PUS7: variants seen among roughly 807,000 people sequenced by gnomAD.
PUS7 encodes the protein pseudouridylate synthase 7 homolog.
PUS7 carries 48 observed loss-of-function variants against 79.8 expected under a neutral mutation model. The ratio of observed to expected loss-of-function variants is 0.60; its 90% confidence interval spans 0.48 to 0.76. PUS7 has a LOEUF of 0.76. Ranked by LOEUF, PUS7 falls within the 30% of genes least tolerant of loss-of-function variation. The pLI is 0.00. For synonymous variants in PUS7, 286 were observed against 272.2 expected (o/e 1.05, Z -0.50); for missense variants, 729 against 797.6 (o/e 0.91, Z 1.04).
chr7:105,461,366 T>A (rs1300164823), intron 14 of PUS7, among the ~76,000 whole-genome samples: 2 of 152,176 alleles, frequency 1.3e-5, no homozygotes, highest in African/African-American at 4.8e-5. Flanking sequence ...CATAACTGTT[T>A]ATATTCAAAA....
intron 14 of PUS7, 195 bp downstream of exon 14, chr7:105,462,426 G>C (rs113678947): frequency 5.5e-6 from 3 of 540,736 alleles, no homozygotes; most frequent in Non-Finnish European, 6.2e-6. Flanking sequence ...GTGAAACTCC[G>C]TCTCAAAAAA....
chr7:105,457,988 T>C, intron 15 of PUS7, 62 bp from the exon 16 acceptor site: 10 of 1,557,194 alleles, frequency 6.4e-6, no homozygotes, highest in Non-Finnish European at 7.8e-6. Flanking sequence ...CCAGCGAGAG[T>C]CACATAATCT....
intron 9 of PUS7, among the ~76,000 whole-genome samples, chr7:105,476,345 T>C (rs11979943): frequency 0.033 from 5,038 of 152,000 alleles, 107 homozygotes; most frequent in Admixed American, 0.056. Context: ...GAATTGCTGG[T>C]TCATAACATA....
rs1226454831 is a variant in PUS7 at position 105,457,511 on chromosome 7, T to G, written c.*279A>C. 1 of 232,640 alleles carries G rather than the reference T, an allele frequency of 4.3e-6. No homozygotes were observed. The highest frequency in any genetic ancestry group is 2.3e-5 in the African/African-American group (1 of 44,032). 14.4% of individuals were successfully genotyped at this position (232,640 alleles called of 1,614,324 possible). A position where few individuals can be genotyped will look rare whatever the true frequency, so the allele number is the denominator to read the frequency against. Reference sequence around the variant, plus strand: ...ACCTGCTACTTTAAACCAAAGTCCTTTTTTTATTATTGTAAAGCTGACATT... The same window carrying G: ...ACCTGCTACTTTAAACCAAAGTCCTGTTTTTATTATTGTAAAGCTGACATT... On this transcript the variant is annotated 3_prime_UTR_variant, in exon 16 of 16. Coordinates refer to ENST00000469408, the MANE Select transcript of PUS7 (RefSeq NM_019042.5).
At chr7:105,469,268 C>T (rs895993105) in intron 11 of PUS7, among the ~76,000 whole-genome samples, 2 of 151,182 alleles carry the variant, frequency 1.3e-5, no homozygotes, top group African/African-American at 2.4e-5. Context: ...TTCTTTTTTC[C>T]TTCTACTTTA....
Position 105,459,244 on chromosome 7 carries a change from A to C in PUS7, c.1773T>G (p.Tyr591Ter). The C allele has an allele frequency of 6.2e-7, 1 of 1,610,312 alleles. No homozygotes were observed. Among genetic ancestry groups the C allele is most frequent in the Non-Finnish European group, 8.5e-7 (1 of 1,177,246 alleles). The part of the protein sequence containing the change: ...PQNVSWEVVA[Y>*]DDPKIPLFNT... ...TGAAAAGTGGAATTTTGGGATCATCATATGCAACGACTTCCCTTCAAAACA... is the reference window on the plus strand; with the variant it reads ...TGAAAAGTGGAATTTTGGGATCATCCTATGCAACGACTTCCCTTCAAAACA... The change falls in exon 15 of 16, where the codon TAT becomes TAG. Residue 591 changes from tyrosine to a stop codon, truncating the protein, a stop_gained. Transcript: ENST00000469408. LOFTEE classifies it high-confidence loss of function.
At chr7:105,520,287 G>A (rs1295197818) in intron 1 of PUS7, among the ~76,000 whole-genome samples, 1 of 151,364 alleles carries the variant, frequency 6.6e-6, no homozygotes, top group East Asian at 1.9e-4. Context: ...GTGAAACCCC[G>A]CCTCTACTAA....
At chr7:105,501,431 T>C (rs1342336830) in intron 5 of PUS7, among the ~76,000 whole-genome samples, 8 of 152,190 alleles carry the variant, frequency 5.3e-5, no homozygotes. Flanking sequence ...TGAAAGGTTA[T>C]ATGCAAATAG....
intron 1 of PUS7, among the ~76,000 whole-genome samples, chr7:105,516,111 A>G (rs1825884723): frequency 6.6e-6 from 1 of 151,714 alleles, no homozygotes. Context: ...GCCTGGCCTA[A>G]TTTTAGTATT....
chr7:105,501,997 C>T (rs1245030987), intron 5 of PUS7, among the ~76,000 whole-genome samples: 1 of 147,760 alleles, frequency 6.8e-6, no homozygotes, highest in Non-Finnish European at 1.5e-5. Flanking sequence ...TATATAGGGG[C>T]CTTGCAAAAA....
intron 9 of PUS7, among the ~76,000 whole-genome samples, chr7:105,475,496 AT>A (rs749723361): frequency 1.3e-5 from 2 of 150,998 alleles, no homozygotes; most frequent in Non-Finnish European, 3.0e-5. Flanking sequence ...TTTTTTTTGT[AT>A]TTTTTTAGTA....
chr7:105,472,033 C>A, intron 10 of PUS7, 99 bp downstream of exon 10: 2 of 684,046 alleles, frequency 2.9e-6, no homozygotes, highest in African/African-American at 1.9e-5. Flanking sequence ...AATACTGAAA[C>A]AACAACGTCA....
intron 1 of PUS7, among the ~76,000 whole-genome samples, chr7:105,514,358 A>G (rs1263956969): frequency 6.6e-6 from 1 of 152,188 alleles, no homozygotes; most frequent in Non-Finnish European, 1.5e-5. Flanking sequence ...TAATCCCAGC[A>G]CTTTGGGAGG....
At chr7:105,473,166 A>G (rs1225525266) in intron 9 of PUS7, among the ~76,000 whole-genome samples, 1 of 151,858 alleles carries the variant, frequency 6.6e-6, no homozygotes, top group Non-Finnish European at 1.5e-5. Flanking sequence ...GCCTAGGCAA[A>G]TAGAATAAAT....
chr7:105,489,182 G>C (rs376861099), intron 7 of PUS7, among the ~76,000 whole-genome samples: 1 of 132,568 alleles, frequency 7.5e-6, no homozygotes, highest in Admixed American at 7.5e-5. Context: ...AGAAAGAAAA[G>C]AAAAAGAAAC....
chr7:105,462,515 C>A, intron 14 of PUS7, 106 bp downstream of exon 14: 1 of 1,184,108 alleles, frequency 8.4e-7, no homozygotes, highest in Non-Finnish European at 1.2e-6. Flanking sequence ...AGCAATCTGT[C>A]ACTGACTGAA....
In PUS7 at chr7:105,457,866, A is replaced by G; in HGVS notation, c.1910T>C (p.Met637Thr). 6.2e-7 allele frequency: 1 copy of G among 1,614,124 alleles called. No homozygotes were observed. Among genetic ancestry groups the G allele is most frequent in the South Asian group, 1.1e-5 (1 of 91,082 alleles). ...CATTTTTAGCACTTCTCGAATGGCC[A>G]TGGTGGCGTAAGTAGAAGGGGGTAG... is the stretch of plus-strand genomic sequence containing the variant. ...FSLPPSTYAT[M>T]AIREVLKMDT... The change falls in exon 16 of 16, where the codon ATG (methionine) becomes ACG (threonine). Residue 637 changes from methionine (M) to threonine (T), a missense_variant. By Grantham distance (81) the Met-to-Thr change is moderately conservative. Coordinates refer to ENST00000469408, the MANE Select transcript of PUS7 (RefSeq NM_019042.5).
chr7:105,482,663 T>C (rs1419198345), intron 7 of PUS7, among the ~76,000 whole-genome samples: 5 of 152,288 alleles, frequency 3.3e-5, no homozygotes, highest in Admixed American at 2.0e-4. Context: ...TGCATACTCC[T>C]GGCCATATTT....
rs1231643962 is a variant in PUS7, at chr7:105,502,466, C to T, written c.684G>A (p.Lys228=). The part of the protein sequence containing the change: ...LETKTEDREG[K]KYIVAYHAAG... ...CTGCGTGGTAGGCTACAATGTATTT[C>T]TTCCCCTCCCTATCCTCTGTTTTTG... The change falls in exon 5 of 16, where the codon AAG becomes AAA. Residue 228 remains lysine, a synonymous_variant. Coordinates refer to ENST00000469408, the MANE Select transcript of PUS7 (RefSeq NM_019042.5). The T allele has an allele frequency of 8.7e-6, 14 of 1,614,022 alleles. No individual in the cohort carries two copies. In the Middle Eastern group the frequency reaches 1.2e-3, roughly 133 times the overall value.
Sources: gnomAD v4.1 joint callset for allele counts (sites outside exome capture counted in the v4.1 genomes callset) on GRCh38, gnomAD v4.1.1 for gene constraint, MANE v1.5 for transcripts, NCBI Gene and HGNC (gene_info 2026-07-23, HGNC 2026-07-21) for gene names.